The following MOB3B variants were observed in gnomAD, a reference collection of about 807,000 sequenced individuals.
The protein encoded by MOB3B is MOB kinase activator 3B.
MOB3B carries 7 observed loss-of-function variants against 18.7 expected under a neutral mutation model. The observed-to-expected ratio is 0.37, with a 90% CI of 0.21 to 0.70. The LOEUF is 0.70. Ranked by LOEUF, MOB3B falls within the 30% of genes least tolerant of loss-of-function variation. MOB3B has a pLI of 0.52. For synonymous variants in MOB3B, 111 were observed against 99.9 expected (o/e 1.11, Z -0.66); for missense variants, 253 against 281.3 (o/e 0.90, Z 0.72).
intron 2 of MOB3B, among the ~76,000 whole-genome samples, chr9:27,437,209 T>C (rs891943785): frequency 2.6e-5 from 4 of 152,176 alleles, no homozygotes; most frequent in Non-Finnish European, 4.4e-5. Flanking sequence ...AGTAGATAGT[T>C]AATATGATCT....
chr9:27,510,251 TTC>T (rs1427953029), intron 1 of MOB3B, among the ~76,000 whole-genome samples: 1 of 152,250 alleles, frequency 6.6e-6, no homozygotes, highest in African/African-American at 2.4e-5. Flanking sequence ...TTTTTCGTAT[TTC>T]TGTTTTGTTT....
chr9:27,482,916 C>A (rs1425812719), intron 1 of MOB3B, among the ~76,000 whole-genome samples: 1 of 152,166 alleles, frequency 6.6e-6, no homozygotes, highest in African/African-American at 2.4e-5. Flanking sequence ...AAGGACTGGA[C>A]TCTTTTCCTA....
intron 2 of MOB3B, among the ~76,000 whole-genome samples, chr9:27,439,385 A>T (rs1822561813): frequency 6.6e-6 from 1 of 152,206 alleles, no homozygotes; most frequent in African/African-American, 2.4e-5. Flanking sequence ...TTATCTTTAA[A>T]AGACATACCA....
At chr9:27,412,181 G>A (rs1017312985) in intron 2 of MOB3B, among the ~76,000 whole-genome samples, 43 of 132,010 alleles carry the variant, frequency 3.3e-4, no homozygotes, top group African/African-American at 8.2e-4. Flanking sequence ...CCCTTATGAC[G>A]AAAAAAAAAA....
Position 27,471,366 on chromosome 9 carries a change from T to C in MOB3B, c.-198-15618A>G, listed in dbSNP as rs116263819. On this transcript the variant is annotated intron_variant, in intron 1 of 3. Coordinates refer to ENST00000262244, the MANE Select transcript of MOB3B (RefSeq NM_024761.5). ...AAAGGAGAATTAACCTGAATCATTA[T>C]TGGGAATATACAACATGGCCCTGCC... Among the ~76,000 whole-genome samples, 354 of 152,342 alleles carry C rather than the reference T, an allele frequency of 2.3e-3. 3 individuals are homozygous for C. Among genetic ancestry groups the C allele is most frequent in the African/African-American group, 8.1e-3 (338 of 41,572 alleles).
intron 1 of MOB3B, among the ~76,000 whole-genome samples, chr9:27,464,597 T>C (rs988785234): frequency 6.6e-6 from 1 of 152,250 alleles, no homozygotes; most frequent in African/African-American, 2.4e-5. Flanking sequence ...TGTATTCTGA[T>C]AACAGAAATG....
At chr9:27,478,144 A>T (rs1274745933) in intron 1 of MOB3B, among the ~76,000 whole-genome samples, 5 of 152,224 alleles carry the variant, frequency 3.3e-5, no homozygotes, top group Non-Finnish European at 7.3e-5. Context: ...AAGTATCTTG[A>T]ACTAATAGAT....
chr9:27,332,871 C>G (rs1820808286), intron 3 of MOB3B, among the ~76,000 whole-genome samples: 1 of 152,222 alleles, frequency 6.6e-6, no homozygotes, highest in Non-Finnish European at 1.5e-5. Flanking sequence ...GCTCTTTCTA[C>G]TACACCATGT....
At chr9:27,462,217 T>A (rs1819304459) in intron 1 of MOB3B, among the ~76,000 whole-genome samples, 1 of 152,200 alleles carries the variant, frequency 6.6e-6, no homozygotes, top group Admixed American at 6.5e-5. Flanking sequence ...CTGATTATAC[T>A]GATTTTTTTT....
intron 2 of MOB3B, among the ~76,000 whole-genome samples, chr9:27,365,765 G>C (rs1821335242): frequency 6.6e-6 from 1 of 152,136 alleles, no homozygotes; most frequent in Admixed American, 6.5e-5. Context: ...CCACAGAGAG[G>C]GGATGGATAT....
intron 1 of MOB3B, chr9:27,524,918 G>A: frequency 6.2e-7 from 1 of 1,607,500 alleles, no homozygotes; most frequent in Non-Finnish European, 8.5e-7. Flanking sequence ...GAAGATGTTT[G>A]TATTACTTTT....
intron 1 of MOB3B, among the ~76,000 whole-genome samples, chr9:27,500,755 A>C (rs901466485): frequency 1.3e-5 from 2 of 152,236 alleles, no homozygotes; most frequent in African/African-American, 4.8e-5. Flanking sequence ...AATGGGATCT[A>C]ATTAAACTAA....
chr9:27,518,127 T>C (rs555231959), intron 1 of MOB3B, among the ~76,000 whole-genome samples: 1 of 152,352 alleles, frequency 6.6e-6, no homozygotes, highest in Non-Finnish European at 1.5e-5. Flanking sequence ...CCTTTCTTTG[T>C]TCTTCAGAAA....
intron 3 of MOB3B, among the ~76,000 whole-genome samples, chr9:27,355,338 G>A (rs1821170043): frequency 6.6e-6 from 1 of 152,074 alleles, no homozygotes; most frequent in African/African-American, 2.4e-5. Flanking sequence ...CCGGTGGCGT[G>A]GGAACTCTGG....
chr9:27,403,761 G>T (rs574264029), intron 2 of MOB3B, among the ~76,000 whole-genome samples: 49 of 152,046 alleles, frequency 3.2e-4, no homozygotes, highest in African/African-American at 1.2e-3. Flanking sequence ...TTACAGGTGT[G>T]AGCCATTATG....
At chr9:27,521,937 T>C (rs1820338564) in intron 1 of MOB3B, among the ~76,000 whole-genome samples, 1 of 152,088 alleles carries the variant, frequency 6.6e-6, no homozygotes, top group African/African-American at 2.4e-5. Flanking sequence ...AAAACAGCCT[T>C]CTCTTATTAA....
intron 2 of MOB3B, among the ~76,000 whole-genome samples, chr9:27,412,362 G>T: frequency 6.6e-6 from 1 of 151,348 alleles, no homozygotes; most frequent in Admixed American, 6.6e-5. Context: ...CTAATAAAGG[G>T]TGGGGGTGGG....
At chr9:27,396,228 C>T (rs1381335296) in intron 2 of MOB3B, among the ~76,000 whole-genome samples, 1 of 152,062 alleles carries the variant, frequency 6.6e-6, no homozygotes, top group Non-Finnish European at 1.5e-5. Context: ...TAGGTTGAGG[C>T]AATTCTCTTA....
chr9:27,446,354 C>T (rs1661511486), intron 2 of MOB3B, among the ~76,000 whole-genome samples: 2 of 152,116 alleles, frequency 1.3e-5, no homozygotes, highest in East Asian at 1.9e-4. Flanking sequence ...CATCCTGCAG[C>T]AGAAAGAAGA....
Sources: gnomAD v4.1 joint callset for allele counts (sites outside exome capture counted in the v4.1 genomes callset) on GRCh38, gnomAD v4.1.1 for gene constraint, MANE v1.5 for transcripts, NCBI Gene and HGNC (gene_info 2026-07-23, HGNC 2026-07-21) for gene names.